The following CYB5A variants were observed in gnomAD, a reference collection of about 807,000 sequenced individuals.
CYB5A encodes cytochrome b5 type A.
CYB5A carries 10 observed loss-of-function variants against 16.2 expected under a neutral mutation model. The observed-to-expected ratio is 0.62, with a 90% CI of 0.38 to 1.04. The LOEUF is 1.04. Ranked by LOEUF, CYB5A falls within the 50% of genes least tolerant of loss-of-function variation. The pLI is 0.01. For missense variants in CYB5A, 161 were observed against 165.9 expected (o/e 0.97, Z 0.16); for synonymous variants, 62 against 57.0 (o/e 1.09, Z -0.40).
At chr18:74,256,728 G>A (rs944831768) in intron 3 of CYB5A, 118 of 1,063,296 alleles carry the variant, frequency 1.1e-4, no homozygotes, top group Non-Finnish European at 1.4e-4. Context: ...GCGGCCTGCA[G>A]TAAGGCAAGC....
At chr18:74,274,467 A>C (rs1244417661) in intron 1 of CYB5A, among the ~76,000 whole-genome samples, 1 of 152,242 alleles carries the variant, frequency 6.6e-6, no homozygotes, top group Non-Finnish European at 1.5e-5. Context: ...ATTTCAATAA[A>C]TAATAAATTC....
At chr18:74,276,308 T>G (rs1443261035) in intron 1 of CYB5A, among the ~76,000 whole-genome samples, 1 of 151,588 alleles carries the variant, frequency 6.6e-6, no homozygotes, top group East Asian at 1.9e-4. Flanking sequence ...ACTTTGAGAG[T>G]TCAGTTCCCC....
At chr18:74,288,368 T>TG (rs5826312) in intron 1 of CYB5A, among the ~76,000 whole-genome samples, 27,522 of 152,132 alleles carry the variant, frequency 0.18, 2,644 homozygotes, top group East Asian at 0.26. Context: ...TCCATACGGA[T>TG]GGGGGATCTC....
chr18:74,291,037 G>C (rs568376493), intron 1 of CYB5A: 1 of 155,854 alleles, frequency 6.4e-6, no homozygotes, highest in Non-Finnish European at 1.4e-5. Flanking sequence ...AATTAACACC[G>C]AGCCTCTTCC....
chr18:74,258,550 C>G (rs1982076101), intron 3 of CYB5A: 1 of 152,154 alleles, frequency 6.6e-6, no homozygotes, highest in South Asian at 2.1e-4. Context: ...AAACTTTAGA[C>G]CACAGTGTAC....
chr18:74,274,842 A>G (rs539979988), intron 1 of CYB5A, among the ~76,000 whole-genome samples: 2 of 152,352 alleles, frequency 1.3e-5, no homozygotes, highest in Non-Finnish European at 2.9e-5. Context: ...GAAACAAGTT[A>G]TAAAATCTCA....
chr18:74,276,009 G>A (rs903792448), intron 1 of CYB5A, among the ~76,000 whole-genome samples: 5 of 151,980 alleles, frequency 3.3e-5, no homozygotes, highest in East Asian at 1.9e-4. Flanking sequence ...TCTCCCCCTC[G>A]ACCCAACACA....
chr18:74,264,018 C>G (rs1031198504), intron 1 of CYB5A, among the ~76,000 whole-genome samples: 7 of 152,172 alleles, frequency 4.6e-5, no homozygotes, highest in African/African-American at 1.7e-4. Context: ...CGAGACCAAC[C>G]TGGCCTACAT....
At chr18:74,276,044 C>A (rs1221153295) in intron 1 of CYB5A, among the ~76,000 whole-genome samples, 1 of 152,136 alleles carries the variant, frequency 6.6e-6, no homozygotes, top group Non-Finnish European at 1.5e-5. Context: ...TACTTAACTC[C>A]CTCAGCTTCC....
chr18:74,269,073 G>A (rs148633593), intron 1 of CYB5A, among the ~76,000 whole-genome samples: 100 of 152,166 alleles, frequency 6.6e-4, no homozygotes, highest in African/African-American at 1.8e-3. Context: ...ATTGAAGGTC[G>A]GCACAGTCTA....
chr18:74,277,659 G>A (rs1982932484), intron 1 of CYB5A, among the ~76,000 whole-genome samples: 1 of 152,202 alleles, frequency 6.6e-6, no homozygotes, highest in African/African-American at 2.4e-5. Flanking sequence ...AACTCTCCCA[G>A]GAGTGTGAGG....
At chr18:74,270,333 T>A (rs148288474) in intron 1 of CYB5A, among the ~76,000 whole-genome samples, 1 of 152,110 alleles carries the variant, frequency 6.6e-6, no homozygotes, top group South Asian at 2.1e-4. Context: ...TGTGGGCGGA[T>A]TGCTTGAGGC....
At chr18:74,260,860 A>G (rs1982170301) in intron 3 of CYB5A, 55 bp downstream of exon 3, 1 of 1,490,008 alleles carries the variant, frequency 6.7e-7, no homozygotes, top group African/African-American at 1.4e-5. Context: ...CTTCAGTTTG[A>G]CAAGTATTAA....
At chr18:74,289,776 CAAAAA>C (rs531814328) in intron 1 of CYB5A, among the ~76,000 whole-genome samples, 1 of 91,210 alleles carries the variant, frequency 1.1e-5, no homozygotes. Context: ...AACTCTGTCT[CAAAAA>C]AAAAAAAAAA....
intron 2 of CYB5A, among the ~76,000 whole-genome samples, chr18:74,262,882 G>A (rs1283391647): frequency 6.6e-6 from 1 of 152,188 alleles, no homozygotes; most frequent in African/African-American, 2.4e-5. Flanking sequence ...AGGTGTGGGG[G>A]CTCACGCCTG....
intron 1 of CYB5A, among the ~76,000 whole-genome samples, chr18:74,272,832 G>T (rs1236474782): frequency 6.6e-6 from 1 of 152,132 alleles, no homozygotes; most frequent in Non-Finnish European, 1.5e-5. Flanking sequence ...TGAGGCAGGA[G>T]AATTGCTTGA....
At chr18:74,276,795 G>T (rs1038210985) in intron 1 of CYB5A, among the ~76,000 whole-genome samples, 1 of 152,132 alleles carries the variant, frequency 6.6e-6, no homozygotes, top group East Asian at 1.9e-4. Context: ...ACTTTAACAG[G>T]CGTCTAAGTC....
At chr18:74,263,522 T>A (rs780986812) in intron 1 of CYB5A, 45 bp from the exon 2 acceptor site, 1 of 1,586,002 alleles carries the variant, frequency 6.3e-7, no homozygotes, top group Admixed American at 1.7e-5. Flanking sequence ...TTCAGGCAAA[T>A]GAATTAAGAG....
intron 2 of CYB5A, among the ~76,000 whole-genome samples, chr18:74,263,094 G>A (rs1443843248): frequency 2.0e-5 from 3 of 148,156 alleles, no homozygotes; most frequent in Non-Finnish European, 4.4e-5. Flanking sequence ...GCTGCAGGGA[G>A]CCATGATCGT....
Sources: allele counts gnomAD v4.1 joint callset (sites outside exome capture counted in the v4.1 genomes callset), GRCh38; gene constraint gnomAD v4.1.1; transcripts MANE v1.5; gene names NCBI Gene and HGNC (gene_info 2026-07-23, HGNC 2026-07-21).